Variants in ZNF248 observed in about 807,000 individuals in gnomAD.
ZNF248 encodes the protein KRAB protein domain.
ZNF248 carries 20 observed loss-of-function variants against 44.3 expected under a neutral mutation model. The observed-to-expected ratio is 0.45, with a 90% CI of 0.32 to 0.66. The LOEUF (loss-of-function observed/expected upper bound fraction) is 0.66. Ranked by LOEUF, ZNF248 falls within the 30% of genes least tolerant of loss-of-function variation. The pLI, the probability that ZNF248 is intolerant of heterozygous loss-of-function variation, is 0.04. For synonymous variants in ZNF248, 224 were observed against 229.0 expected (o/e 0.98, Z 0.20); for missense variants, 654 against 677.0 (o/e 0.97, Z 0.38).
the ZNF248 span, among the ~76,000 whole-genome samples, chr10:37,760,811 G>A: frequency 1.3e-5 from 2 of 152,118 alleles, no homozygotes; most frequent in African/African-American, 4.8e-5. Flanking sequence ...TCCAGCTCTG[G>A]ATGACAGAGC....
At chr10:37,845,037 TG>T (rs1458011368) in intron 3 of ZNF248, among the ~76,000 whole-genome samples, 2 of 49,372 alleles carry the variant, frequency 4.1e-5, no homozygotes, top group Non-Finnish European at 8.9e-5. Context: ...TTTTTGGAGA[TG>T]GGGGTCTCAC....
chr10:37,819,537 A>G, intron 6 of ZNF248: 1 of 1,014,284 alleles, frequency 9.9e-7, no homozygotes, highest in Non-Finnish European at 1.6e-6. Flanking sequence ...AACAACAAAT[A>G]TCTGTCATTT....
At chr10:37,812,572 G>T (rs1387111735) in intron 6 of ZNF248, among the ~76,000 whole-genome samples, 3 of 152,152 alleles carry the variant, frequency 2.0e-5, no homozygotes, top group Non-Finnish European at 1.5e-5. Flanking sequence ...GTTTCACCAT[G>T]CTTTGTCCCT....
intron 6 of ZNF248, among the ~76,000 whole-genome samples, chr10:37,818,447 T>C (rs1055061929): frequency 6.6e-6 from 1 of 152,198 alleles, no homozygotes; most frequent in Non-Finnish European, 1.5e-5. Flanking sequence ...AGAGAATCCA[T>C]GCTGTCATGC....
intron 6 of ZNF248, chr10:37,794,859 A>G (rs1268072438): frequency 6.4e-6 from 1 of 155,464 alleles, no homozygotes; most frequent in Non-Finnish European, 1.4e-5. Context: ...TCTGATGTCT[A>G]GTGAGATGTA....
rs2135143270 is a variant in ZNF248 at position 37,857,521 on chromosome 10, T to A, written c.-462A>T. ...CGGCAAGTATTCCTAATATCCGTAA[T>A]TTACAGAGAGGAAAACCGAGTCTCC... On this transcript the variant is annotated 5_prime_UTR_variant, in exon 1 of 6. Coordinates refer to ENST00000395867, the MANE Select transcript of ZNF248 (RefSeq NM_021045.3). 6.6e-6 allele frequency: 1 copy of A among 152,368 alleles called. No homozygotes were observed. The highest frequency in any genetic ancestry group is 1.5e-5 in the Non-Finnish European group (1 of 68,070). The allele number at this position is 152,368 out of a possible 1,614,324, so 9.4% of individuals were successfully genotyped here.
chr10:37,765,857 G>T, the ZNF248 span, among the ~76,000 whole-genome samples: 2 of 152,206 alleles, frequency 1.3e-5, no homozygotes, highest in Non-Finnish European at 2.9e-5. Flanking sequence ...CCCTTTCCTA[G>T]TCAAAGAAAG....
intron 3 of ZNF248, among the ~76,000 whole-genome samples, chr10:37,845,097 C>A (rs1469199925): frequency 8.2e-6 from 1 of 122,524 alleles, no homozygotes; most frequent in African/African-American, 3.2e-5. Context: ...CTCACTGCAA[C>A]CTCTGCCTCC....
Position 37,804,827 on chromosome 10 carries a change from T to C in ZNF248, c.330+28198A>G, listed in dbSNP as rs1344173645. 2.0e-5 allele frequency among the ~76,000 whole-genome samples: 3 copies of C among 152,194 alleles called. No individual in the cohort carries two copies. In the East Asian group the frequency reaches 5.8e-4, roughly 29 times the overall value. On this transcript the variant is annotated intron_variant, in intron 6 of 6. Transcript: ENST00000615949. ...CCAAGTCCATAAAATAAGAGTATGG[T>C]TCATTCACAAGCACTAAAGCAATGG...
the ZNF248 span, among the ~76,000 whole-genome samples, chr10:37,765,850 T>C: frequency 2.2e-4 from 33 of 152,328 alleles, no homozygotes; most frequent in African/African-American, 7.7e-4. Context: ...GGGAGTTCCC[T>C]TTCCTAGTCA....
intron 6 of ZNF248, chr10:37,819,917 A>G (rs1209156528): frequency 3.9e-6 from 3 of 772,386 alleles, no homozygotes; most frequent in Admixed American, 1.7e-5. Flanking sequence ...CCATCTGCCC[A>G]TTGTTCAGTA....
chr10:37,788,712 A>C (rs1191129538), intron 6 of ZNF248, among the ~76,000 whole-genome samples: 1 of 152,218 alleles, frequency 6.6e-6, no homozygotes, highest in African/African-American at 2.4e-5. Context: ...ATACCACTAC[A>C]TAATTACTAG....
chr10:37,763,278 G>A, the ZNF248 span, among the ~76,000 whole-genome samples: 3 of 152,344 alleles, frequency 2.0e-5, no homozygotes, highest in East Asian at 5.8e-4. Context: ...TTTTCAGTCA[G>A]CCATTTGGTT....
chr10:37,852,511 A>G (rs2060457345), intron 3 of ZNF248, among the ~76,000 whole-genome samples: 2 of 151,856 alleles, frequency 1.3e-5, no homozygotes, highest in Non-Finnish European at 2.9e-5. Context: ...GGATGGAGGT[A>G]GGTGTGGCTA....
intron 3 of ZNF248, among the ~76,000 whole-genome samples, chr10:37,850,044 C>G (rs2059972892): frequency 6.6e-6 from 1 of 152,152 alleles, no homozygotes; most frequent in Admixed American, 6.5e-5. Context: ...GCACCCCAGC[C>G]TGGGTGACAG....
chr10:37,806,522 G>A (rs2050588271), intron 6 of ZNF248, among the ~76,000 whole-genome samples: 1 of 151,496 alleles, frequency 6.6e-6, no homozygotes, highest in Non-Finnish European at 1.5e-5. Flanking sequence ...ATATGCTTAT[G>A]GGCCATCTGA....
At chr10:37,790,495 A>C (rs1338718545) in intron 6 of ZNF248, among the ~76,000 whole-genome samples, 1 of 151,902 alleles carries the variant, frequency 6.6e-6, no homozygotes, top group Non-Finnish European at 1.5e-5. Context: ...GCAGATCACG[A>C]GGTCAAGAGA....
At chr10:37,767,860 T>A in the ZNF248 span, among the ~76,000 whole-genome samples, 2 of 152,134 alleles carry the variant, frequency 1.3e-5, no homozygotes, top group African/African-American at 4.8e-5. Context: ...GACCCATCAG[T>A]GTGCTGTATT....
chr10:37,798,514 T>C (rs2049412070), intron 6 of ZNF248, among the ~76,000 whole-genome samples: 1 of 152,198 alleles, frequency 6.6e-6, no homozygotes, highest in African/African-American at 2.4e-5. Flanking sequence ...TATACTGTTA[T>C]ATGTAAAAAT....
Sources: allele counts gnomAD v4.1 joint callset (sites outside exome capture counted in the v4.1 genomes callset), GRCh38; gene constraint gnomAD v4.1.1; transcripts MANE v1.5; gene names NCBI Gene and HGNC (gene_info 2026-07-23, HGNC 2026-07-21).